Variants in DNM3 observed in about 807,000 individuals in gnomAD.
DNM3 encodes dynamin-3.
In DNM3, 47 loss-of-function variants were observed where a neutral mutation model predicts 101.6. That is an observed-to-expected ratio of 0.46 (90% CI 0.37 to 0.59). The LOEUF is 0.59. DNM3 is among the 20% of genes least tolerant of loss of function. The pLI, the probability that DNM3 is intolerant of heterozygous loss-of-function variation, is 0.00. For synonymous variants in DNM3, 385 were observed against 387.9 expected, an observed-to-expected ratio of 0.99 and a Z score of 0.09; for missense variants, 849 against 1,085.7, an observed-to-expected ratio of 0.78 and a Z score of 3.06.
At chr1:172,119,095 C>T (rs903137481) in intron 13 of DNM3, among the ~76,000 whole-genome samples, 2 of 151,598 alleles carry the variant, frequency 1.3e-5, no homozygotes, top group South Asian at 2.1e-4. Flanking sequence ...CGGGTTCAAG[C>T]GATTCTTCTG....
chr1:172,196,211 C>T (rs1285244635), intron 14 of DNM3, among the ~76,000 whole-genome samples: 2 of 151,910 alleles, frequency 1.3e-5, no homozygotes, highest in Non-Finnish European at 2.9e-5. Flanking sequence ...CCAGCTCCAT[C>T]CATGTTCCCT....
At chr1:172,308,382 G>A (rs1270200525) in intron 15 of DNM3, among the ~76,000 whole-genome samples, 1 of 152,194 alleles carries the variant, frequency 6.6e-6, no homozygotes, top group Non-Finnish European at 1.5e-5. Flanking sequence ...TATCTTCAGA[G>A]AATTGATCTA....
At chr1:172,257,871 CCCA>C (rs1409598002) in intron 15 of DNM3, among the ~76,000 whole-genome samples, 1 of 148,614 alleles carries the variant, frequency 6.7e-6, no homozygotes, top group Non-Finnish European at 1.5e-5. Context: ...CTCCCCAACC[CCCA>C]CCAACACACA....
intron 1 of DNM3, among the ~76,000 whole-genome samples, chr1:171,909,748 G>A (rs760787711): frequency 2.0e-5 from 3 of 152,134 alleles, no homozygotes; most frequent in Non-Finnish European, 1.5e-5. Flanking sequence ...GACTGTTACC[G>A]TTATTGGTTT....
intron 15 of DNM3, among the ~76,000 whole-genome samples, chr1:172,300,160 T>G (rs996557488): frequency 2.0e-5 from 3 of 149,946 alleles, no homozygotes; most frequent in Non-Finnish European, 4.4e-5. Context: ...TTTTTTCATG[T>G]TTTTTTTTGT....
chr1:171,945,304 G>A (rs1317163870), intron 2 of DNM3, among the ~76,000 whole-genome samples: 1 of 152,010 alleles, frequency 6.6e-6, no homozygotes, highest in African/African-American at 2.4e-5. Flanking sequence ...AGAGACTATT[G>A]TATAGATAAT....
intron 9 of DNM3, among the ~76,000 whole-genome samples, chr1:172,045,663 T>C (rs1020713104): frequency 1.3e-5 from 2 of 152,230 alleles, no homozygotes; most frequent in Non-Finnish European, 2.9e-5. Flanking sequence ...ATTCATTTCA[T>C]GTACAGAAGG....
chr1:172,334,541 C>T (rs941995349), intron 17 of DNM3, among the ~76,000 whole-genome samples: 1 of 152,160 alleles, frequency 6.6e-6, no homozygotes, highest in Non-Finnish European at 1.5e-5. Flanking sequence ...TACTCCTATA[C>T]CCAAACAGCC....
intron 14 of DNM3, among the ~76,000 whole-genome samples, chr1:172,154,594 A>G (rs2058267068): frequency 6.6e-6 from 1 of 152,148 alleles, no homozygotes; most frequent in Admixed American, 6.6e-5. Flanking sequence ...GTTTAAAACT[A>G]AAGTGAATGG....
intron 4 of DNM3, among the ~76,000 whole-genome samples, chr1:172,001,593 C>T (rs182122911): frequency 1.5e-4 from 23 of 152,030 alleles, no homozygotes; most frequent in Admixed American, 1.3e-3. Context: ...ATCCCTTTCA[C>T]GGTGATTTAT....
At chr1:172,359,634 A>T (rs906312062) in intron 17 of DNM3, among the ~76,000 whole-genome samples, 4 of 151,822 alleles carry the variant, frequency 2.6e-5, no homozygotes, top group South Asian at 2.1e-4. Flanking sequence ...AAATAAAAAA[A>T]AAAAAACCTT....
chr1:172,305,107 AAAGAT>A (rs2064724370), intron 15 of DNM3, among the ~76,000 whole-genome samples: 1 of 152,230 alleles, frequency 6.6e-6, no homozygotes, highest in Non-Finnish European at 1.5e-5. Context: ...CATTTTTTGA[AAAGAT>A]CAACAAAAGT....
intron 11 of DNM3, among the ~76,000 whole-genome samples, chr1:172,075,503 A>G (rs2125966254): frequency 6.6e-6 from 1 of 152,314 alleles, no homozygotes; most frequent in Non-Finnish European, 1.5e-5. Context: ...GGTGTAAGGA[A>G]GGTGTCCAGT....
intron 13 of DNM3, among the ~76,000 whole-genome samples, chr1:172,114,238 C>T (rs1468271518): frequency 2.6e-5 from 4 of 152,114 alleles, no homozygotes; most frequent in African/African-American, 9.7e-5. Context: ...TCGTGGCTAA[C>T]CATGCAAAGG....
At chr1:171,926,447 A>G (rs2040579661) in intron 2 of DNM3, among the ~76,000 whole-genome samples, 1 of 152,220 alleles carries the variant, frequency 6.6e-6, no homozygotes, top group Non-Finnish European at 1.5e-5. Flanking sequence ...GATATCCACT[A>G]GTCCCAGCAC....
intron 10 of DNM3, among the ~76,000 whole-genome samples, chr1:172,053,377 C>T (rs1428457540): frequency 6.6e-6 from 1 of 152,068 alleles, no homozygotes. Context: ...TAAAATCTTC[C>T]TAAAGGGCCT....
intron 1 of DNM3, among the ~76,000 whole-genome samples, chr1:171,903,491 C>T (rs1273107157): frequency 6.6e-6 from 1 of 152,112 alleles, no homozygotes; most frequent in East Asian, 1.9e-4. Flanking sequence ...TTCCCAAGGG[C>T]TATCTTATTT....
chr1:172,004,091 AAAT>A (rs1236949676), intron 4 of DNM3, among the ~76,000 whole-genome samples: 1 of 152,074 alleles, frequency 6.6e-6, no homozygotes, highest in Non-Finnish European at 1.5e-5. Flanking sequence ...GATATTGGCA[AAAT>A]AATAATTGGA....
chr1:172,400,477 A>G (rs1365765668), intron 20 of DNM3, among the ~76,000 whole-genome samples: 1 of 152,034 alleles, frequency 6.6e-6, no homozygotes, highest in Non-Finnish European at 1.5e-5. Flanking sequence ...ACAGGAGAAA[A>G]GGAGGAAAGG....
Sources: gnomAD v4.1 joint callset for allele counts (sites outside exome capture counted in the v4.1 genomes callset) on GRCh38, gnomAD v4.1.1 for gene constraint, MANE v1.5 for transcripts, NCBI Gene and HGNC (gene_info 2026-07-23, HGNC 2026-07-21) for gene names.